TNS3: variants seen among roughly 807,000 people sequenced by gnomAD.
TNS3 encodes tensin-3.
Under a neutral mutation model 140.9 loss-of-function variants are expected in TNS3, and 45 were observed. The ratio of observed to expected loss-of-function variants is 0.32; its 90% CI spans 0.25 to 0.41. The LOEUF (loss-of-function observed/expected upper bound fraction) is 0.41, where lower values mean the gene tolerates loss of function less well. Ranked by LOEUF, TNS3 falls within the 10% of genes least tolerant of loss-of-function variation. The pLI is 1.00. For missense variants in TNS3, 1,716 were observed against 1,906.7 expected (o/e 0.90, Z 1.86); for synonymous variants, 815 against 788.4 (o/e 1.03, Z -0.56).
intron 16 of TNS3, among the ~76,000 whole-genome samples, chr7:47,393,877 C>T (rs1792673755): frequency 6.6e-6 from 1 of 152,092 alleles, no homozygotes; most frequent in African/African-American, 2.4e-5. Flanking sequence ...TTCCAGAACT[C>T]CTATGCACCC....
chr7:47,391,405 T>A (rs1238114814), intron 16 of TNS3, among the ~76,000 whole-genome samples: 1 of 152,054 alleles, frequency 6.6e-6, no homozygotes, highest in East Asian at 1.9e-4. Context: ...ATGAGATGCG[T>A]GAATATGACA....
At chr7:47,341,410 T>C (rs149570683) in intron 20 of TNS3, among the ~76,000 whole-genome samples, 52 of 152,352 alleles carry the variant, frequency 3.4e-4, no homozygotes, top group African/African-American at 1.1e-3. Flanking sequence ...AATTTCCTTA[T>C]AGTTACAGGG....
At position 47,477,105 on chromosome 7, in the gene TNS3, T is replaced by C. The variant is rs980434825; in HGVS notation, c.-76+3998A>G. Among the ~76,000 whole-genome samples the C allele has an allele frequency of 4.6e-5, 7 of 152,302 alleles. No individual in the cohort carries two copies. In the East Asian group the frequency reaches 1.2e-3, roughly 25 times the overall value. ...GCAGACAAAGAACCCTCACACAGTATGTCATTAAGATGACAGACACCCTTA... is the reference window on the plus strand; with the variant it reads ...GCAGACAAAGAACCCTCACACAGTACGTCATTAAGATGACAGACACCCTTA... On this transcript the variant is annotated intron_variant, in intron 4 of 30. Coordinates refer to ENST00000311160, the MANE Select transcript of TNS3 (RefSeq NM_022748.12).
chr7:47,456,019 A>G (rs951739474), intron 4 of TNS3, among the ~76,000 whole-genome samples: 1 of 152,370 alleles, frequency 6.6e-6, no homozygotes, highest in Admixed American at 6.5e-5. Flanking sequence ...ATGCCAGATG[A>G]TGAATCCATG....
At chr7:47,503,891 A>G (rs1017861140) in intron 3 of TNS3, among the ~76,000 whole-genome samples, 1 of 152,108 alleles carries the variant, frequency 6.6e-6, no homozygotes, top group African/African-American at 2.4e-5. Flanking sequence ...AGAAGAGGTA[A>G]GGGATCTCTC....
At chr7:47,366,150 A>G (rs761648984) in intron 17 of TNS3, among the ~76,000 whole-genome samples, 1 of 152,200 alleles carries the variant, frequency 6.6e-6, no homozygotes, top group Non-Finnish European at 1.5e-5. Flanking sequence ...GATACTGCAG[A>G]TAGTTTTTTC....
chr7:47,288,256 CTCTG>C (rs1785521433), intron 27 of TNS3, among the ~76,000 whole-genome samples: 1 of 152,098 alleles, frequency 6.6e-6, no homozygotes, highest in Non-Finnish European at 1.5e-5. Flanking sequence ...AACTTGGGTC[CTCTG>C]TCTATGACAT....
intron 1 of TNS3, among the ~76,000 whole-genome samples, chr7:47,572,762 G>A (rs1273037400): frequency 6.6e-6 from 1 of 152,052 alleles, no homozygotes; most frequent in Admixed American, 6.6e-5. Context: ...TGTAGTCCCA[G>A]CTATGGAGGC....
intron 3 of TNS3, among the ~76,000 whole-genome samples, chr7:47,492,227 A>T (rs1355164201): frequency 6.6e-6 from 1 of 152,144 alleles, no homozygotes; most frequent in Non-Finnish European, 1.5e-5. Context: ...TGGCCACCCC[A>T]CAGTGGGGGC....
chr7:47,455,491 AG>A (rs1395585240), intron 4 of TNS3, among the ~76,000 whole-genome samples: 2 of 152,084 alleles, frequency 1.3e-5, no homozygotes, highest in Admixed American at 6.5e-5. Flanking sequence ...ACAAGCAGAG[AG>A]GGCTCTGAGC....
intron 20 of TNS3, among the ~76,000 whole-genome samples, chr7:47,320,163 C>T (rs913254897): frequency 3.3e-5 from 5 of 152,280 alleles, no homozygotes; most frequent in Admixed American, 3.3e-4. Context: ...GCTCAGTGGG[C>T]TTACTTGACC....
At position 47,369,980 on chromosome 7, in the gene TNS3, C is replaced by T. The variant is rs1409113097; in HGVS notation, c.1025-359G>A. On this transcript the variant is annotated intron_variant, in intron 16 of 30. Coordinates refer to ENST00000311160, the MANE Select transcript of TNS3 (RefSeq NM_022748.12). The stretch of plus-strand genomic sequence containing the variant: ...TGAGCTCGGCTTGGATCATAAATCC[C>T]CAAGAATGGACTGTTCATCTTAGAC... 2.0e-5 allele frequency among the ~76,000 whole-genome samples: 3 copies of T among 152,116 alleles called. No homozygotes were observed. In the East Asian group the frequency reaches 5.8e-4, roughly 29 times the overall value.
intron 1 of TNS3, among the ~76,000 whole-genome samples, chr7:47,566,553 T>C (rs1800432488): frequency 6.6e-6 from 1 of 152,236 alleles, no homozygotes; most frequent in Non-Finnish European, 1.5e-5. Context: ...AAGACAATAG[T>C]GTTTCTAAAG....
At position 47,344,462 on chromosome 7, in the gene TNS3, C is replaced by T. The variant is rs751557988; in HGVS notation, c.2650+293G>A. Among the ~76,000 whole-genome samples the T allele has an allele frequency of 3.9e-5, 6 of 152,182 alleles. No homozygotes were observed. The South Asian group carries it at 1.0e-3, about 26-fold the overall frequency. On this transcript the variant is annotated intron_variant, in intron 20 of 30. Coordinates refer to ENST00000311160, the MANE Select transcript of TNS3 (RefSeq NM_022748.12). ...GTGGGCATTCTCGTTTCTTCAAAAGCACCAATGCTAAGCTGCCCGACAGTC... is the reference window on the plus strand; with the variant it reads ...GTGGGCATTCTCGTTTCTTCAAAAGTACCAATGCTAAGCTGCCCGACAGTC...
intron 15 of TNS3, among the ~76,000 whole-genome samples, chr7:47,400,028 C>T (rs1435741651): frequency 2.7e-5 from 4 of 150,656 alleles, no homozygotes; most frequent in African/African-American, 9.7e-5. Context: ...TATGAACAGA[C>T]ATTTTTCAAA....
At chr7:47,432,320 C>T (rs1254823339) in intron 8 of TNS3, among the ~76,000 whole-genome samples, 2 of 152,126 alleles carry the variant, frequency 1.3e-5, no homozygotes, top group East Asian at 3.8e-4. Context: ...GAAGAGAGAC[C>T]TGAGCTAGCA....
chr7:47,316,777 C>CAAAAAA (rs766794024), intron 20 of TNS3, among the ~76,000 whole-genome samples: 1 of 56,000 alleles, frequency 1.8e-5, no homozygotes, highest in Admixed American at 1.9e-4. Context: ...GACTCCATCT[C>CAAAAAA]AAAAAAAAAA....
In TNS3 at chr7:47,528,171, A is replaced by T. The variant is rs146493997; in HGVS notation, c.-153+865T>A. On this transcript the variant is annotated intron_variant, in intron 2 of 30. Coordinates refer to ENST00000311160, the MANE Select transcript of TNS3 (RefSeq NM_022748.12). ...CACACTCAGGCCTTTGAACTGTAAAAGAATCCCAAGAGCCCCTTAGAGGCC... is the reference window on the plus strand; with the variant it reads ...CACACTCAGGCCTTTGAACTGTAAATGAATCCCAAGAGCCCCTTAGAGGCC... Among the ~76,000 whole-genome samples the T allele has an allele frequency of 6.3e-3, 962 of 152,276 alleles. 14 individuals are homozygous for T. Among genetic ancestry groups the T allele is most frequent in the African/African-American group, 0.022 (897 of 41,554 alleles).
At chr7:47,398,588 T>C (rs1413742842) in intron 15 of TNS3, among the ~76,000 whole-genome samples, 3 of 152,130 alleles carry the variant, frequency 2.0e-5, no homozygotes, top group African/African-American at 7.2e-5. Flanking sequence ...GTCATTTCAG[T>C]AGATGTGAAA....
Sources: gnomAD v4.1 joint callset for allele counts (sites outside exome capture counted in the v4.1 genomes callset) on GRCh38, gnomAD v4.1.1 for gene constraint, MANE v1.5 for transcripts, NCBI Gene and HGNC (gene_info 2026-07-23, HGNC 2026-07-21) for gene names.